The following PRKG1 variants were observed in gnomAD, a reference collection of about 807,000 sequenced individuals.
PRKG1 encodes the protein cGMP-dependent protein kinase 1.
PRKG1 carries 35 observed loss-of-function variants against 88.1 expected under a neutral mutation model. That is an observed-to-expected ratio of 0.40 (90% confidence interval 0.30 to 0.53). PRKG1 has a LOEUF of 0.53. Among genes scored for constraint, PRKG1 ranks in the 20% least tolerant of loss-of-function variants. The pLI is 0.59. For synonymous variants in PRKG1, 303 were observed against 292.5 expected, an observed-to-expected ratio of 1.04 and a Z score of -0.37; for missense variants, 540 against 839.8, an observed-to-expected ratio of 0.64 and a Z score of 4.41.
intron 1 of PRKG1, among the ~76,000 whole-genome samples, chr10:51,024,535 T>A (rs1843182542): frequency 6.6e-6 from 1 of 152,180 alleles, no homozygotes; most frequent in African/African-American, 2.4e-5. Flanking sequence ...AAGAAATTGA[T>A]TAATCGAATA....
intron 2 of PRKG1, among the ~76,000 whole-genome samples, chr10:51,205,356 C>T (rs971412181): frequency 2.6e-5 from 4 of 150,960 alleles, no homozygotes; most frequent in African/African-American, 4.9e-5. Flanking sequence ...AGGCTGGTCT[C>T]GAACCCCTGA....
rs527637702 is a variant in PRKG1, at chr10:51,240,862, G to A, written c.478+87532G>A. ...TAAGGAAAAGATTCTGGACCAGAAT[G>A]GGCCTAGGCTTGAAGTGGATCTCTT... On this transcript the variant is annotated intron_variant, in intron 2 of 17. Transcript: ENST00000373980. 2.0e-5 allele frequency among the ~76,000 whole-genome samples: 3 copies of A among 152,234 alleles called. No homozygotes were observed. The South Asian group carries it at 6.2e-4, about 32-fold the overall frequency.
At chr10:51,031,640 G>T (rs1023612473) in intron 1 of PRKG1, among the ~76,000 whole-genome samples, 15 of 152,108 alleles carry the variant, frequency 9.9e-5, no homozygotes, top group African/African-American at 3.6e-4. Flanking sequence ...TCAGCCCTAT[G>T]AAGTAAATAC....
intron 5 of PRKG1, among the ~76,000 whole-genome samples, chr10:52,023,348 C>T (rs146659039): frequency 0.018 from 2,779 of 152,254 alleles, 47 homozygotes; most frequent in Middle Eastern, 0.031. Flanking sequence ...CAAGTCTTTG[C>T]TATTGTGAAC....
At chr10:52,165,768 A>C (rs1299471634) in intron 9 of PRKG1, among the ~76,000 whole-genome samples, 3 of 152,216 alleles carry the variant, frequency 2.0e-5, no homozygotes, top group Non-Finnish European at 4.4e-5. Flanking sequence ...AGATTGATTA[A>C]GTTGAGGCAT....
intron 3 of PRKG1, among the ~76,000 whole-genome samples, chr10:51,515,402 A>G (rs1194495960): frequency 6.6e-6 from 1 of 152,204 alleles, no homozygotes; most frequent in East Asian, 1.9e-4. Context: ...AAGTTGCAGC[A>G]TGGATAGTGT....
chr10:51,435,458 A>ATATATATATATGTCATATGACATATT, intron 2 of PRKG1, among the ~76,000 whole-genome samples: 1 of 151,692 alleles, frequency 6.6e-6, no homozygotes. Context: ...TATGACATAT[A>ATATATATATATGTCATATGACATATT]TATATATATG....
At chr10:51,678,766 A>G (rs1464815562) in intron 3 of PRKG1, among the ~76,000 whole-genome samples, 1 of 152,232 alleles carries the variant, frequency 6.6e-6, no homozygotes, top group Non-Finnish European at 1.5e-5. Context: ...CAAACACATG[A>G]TCCCTGGAGC....
At chr10:51,960,525 A>C (rs1329324009) in intron 5 of PRKG1, among the ~76,000 whole-genome samples, 3 of 151,836 alleles carry the variant, frequency 2.0e-5, no homozygotes, top group Admixed American at 6.6e-5. Context: ...CACCAAAAAT[A>C]ACCGTTTTCT....
chr10:52,012,279 G>A (rs1325313942), intron 5 of PRKG1, among the ~76,000 whole-genome samples: 1 of 142,786 alleles, frequency 7.0e-6, no homozygotes, highest in Non-Finnish European at 1.5e-5. Flanking sequence ...TCTGACTGTA[G>A]TGCCCAGGCT....
At position 51,625,348 on chromosome 10, in the gene PRKG1, G is replaced by A. The variant is rs138021368; in HGVS notation, c.592+157512G>A. ...AAAAATTAACTGGGTGTGGTGATGG[G>A]CACCTGTAATCCCAGCAATTTGGGA... On this transcript the variant is annotated intron_variant, in intron 3 of 17. Coordinates refer to ENST00000373980, the MANE Select transcript of PRKG1 (RefSeq NM_006258.4). 8.4e-3 allele frequency among the ~76,000 whole-genome samples: 1,281 copies of A among 152,106 alleles called. 16 individuals carry two copies. Among genetic ancestry groups the A allele is most frequent in the Middle Eastern group, 0.034 (10 of 292 alleles).
At chr10:51,175,899 C>T (rs562983166) in intron 2 of PRKG1, among the ~76,000 whole-genome samples, 2 of 152,130 alleles carry the variant, frequency 1.3e-5, no homozygotes, top group South Asian at 4.2e-4. Context: ...TAGTTGTATG[C>T]TCTATGAGGA....
chr10:51,244,308 C>CT (rs76339310), intron 2 of PRKG1, among the ~76,000 whole-genome samples: 28,742 of 136,582 alleles, frequency 0.21, 2,949 homozygotes, highest in Middle Eastern at 0.25. Context: ...CCCTTTCTTC[C>CT]TTTTTTTTTT....
At position 51,053,707 on chromosome 10, in the gene PRKG1, G is replaced by A. The variant is rs140588911; in HGVS notation, c.266+62063G>A. Among the ~76,000 whole-genome samples, 69 of 151,854 alleles carry A rather than the reference G, an allele frequency of 4.5e-4. 1 individual carries two copies. The East Asian group carries it at 0.012, about 25-fold the overall frequency. On this transcript the variant is annotated intron_variant, in intron 1 of 17. Transcript: ENST00000401604. ...GAGCAATTTATCGAAAAGATTAAAC[G>A]TAAGTAGTTTAAGCTTCATAATTGC... is the stretch of plus-strand genomic sequence containing the variant.
intron 3 of PRKG1, among the ~76,000 whole-genome samples, chr10:51,772,555 CA>C (rs1207487432): frequency 6.6e-6 from 1 of 151,002 alleles, no homozygotes; most frequent in Non-Finnish European, 1.5e-5. Context: ...GTAAATTATG[CA>C]AAAAAATTAG....
At chr10:51,504,786 G>A (rs1365412542) in intron 3 of PRKG1, among the ~76,000 whole-genome samples, 3 of 152,120 alleles carry the variant, frequency 2.0e-5, no homozygotes, top group African/African-American at 7.2e-5. Context: ...TGTTATTGAT[G>A]TATAAGAATG....
chr10:52,015,455 T>C (rs1845014728), intron 5 of PRKG1, among the ~76,000 whole-genome samples: 1 of 152,152 alleles, frequency 6.6e-6, no homozygotes, highest in African/African-American at 2.4e-5. Flanking sequence ...CACAAAACCA[T>C]TTTTCCCATC....
chr10:51,572,159 G>T (rs960491712), intron 3 of PRKG1, among the ~76,000 whole-genome samples: 1 of 151,714 alleles, frequency 6.6e-6, no homozygotes, highest in African/African-American at 2.4e-5. Context: ...GTAAATTTCT[G>T]AGTAAAACAT....
At chr10:51,803,237 A>G (rs544738358) in intron 3 of PRKG1, among the ~76,000 whole-genome samples, 1 of 152,246 alleles carries the variant, frequency 6.6e-6, no homozygotes, top group South Asian at 2.1e-4. Context: ...ATGAAGTGTC[A>G]TTTGTAAAAA....
Sources: gnomAD v4.1 joint callset for allele counts (sites outside exome capture counted in the v4.1 genomes callset) on GRCh38, gnomAD v4.1.1 for gene constraint, MANE v1.5 for transcripts, NCBI Gene and HGNC (gene_info 2026-07-23, HGNC 2026-07-21) for gene names.